Variants in VPS13B observed in about 807,000 individuals in gnomAD.
VPS13B encodes vacuolar protein sorting 13 homolog B, also known as intermembrane lipid transfer protein VPS13B.
In VPS13B, 285 loss-of-function variants were observed where a neutral mutation model predicts 426.4. That is an observed-to-expected ratio of 0.67 (90% CI 0.61 to 0.74). The LOEUF is 0.74. Ranked by LOEUF, VPS13B falls within the 30% of genes least tolerant of loss-of-function variation. The pLI is 0.00. For missense variants in VPS13B, 4,537 were observed against 4,782.6 expected (o/e 0.95, Z 1.51); for synonymous variants, 1,676 against 1,676.4 (o/e 1.00, Z 0.01).
At chr8:99,051,645 G>A (rs1441657295) in intron 3 of VPS13B, among the ~76,000 whole-genome samples, 4 of 152,108 alleles carry the variant, frequency 2.6e-5, no homozygotes, top group African/African-American at 4.8e-5. Flanking sequence ...CACGATATTG[G>A]TTCTTCCTAC....
chr8:99,815,306 C>T (rs1384617674), intron 44 of VPS13B, among the ~76,000 whole-genome samples: 1 of 151,972 alleles, frequency 6.6e-6, no homozygotes, highest in Non-Finnish European at 1.5e-5. Context: ...AGTGTAAGTT[C>T]CAGTCCAAAG....
At chr8:99,392,920 T>C (rs1461433521) in intron 21 of VPS13B, among the ~76,000 whole-genome samples, 1 of 152,082 alleles carries the variant, frequency 6.6e-6, no homozygotes, top group African/African-American at 2.4e-5. Context: ...TTGTGTTGAG[T>C]TTTGATTATA....
chr8:99,677,147 A>G (rs142644035), intron 35 of VPS13B, among the ~76,000 whole-genome samples: 187 of 152,328 alleles, frequency 1.2e-3, no homozygotes, highest in African/African-American at 4.2e-3. Flanking sequence ...GCTAATTTTA[A>G]TAATTTATTT....
rs1307323744 is a variant in VPS13B, at chr8:99,696,284, A to G, written c.6047-3241A>G. The G allele has an allele frequency of 2.4e-5, 5 of 209,496 alleles. No individual in the cohort carries two copies. The Admixed American group carries it at 2.7e-4, about 11-fold the overall frequency. The allele number at this position is 209,496 out of a possible 1,614,324, so 13.0% of individuals were successfully genotyped here. On this transcript the variant is annotated intron_variant, in intron 35 of 61. Transcript: ENST00000357162. ...GCTTGAGGAAGGCGGCCAAGTGTAC[A>G]CCCCCACCCCACAGAGGTGGTGGTG... is the stretch of plus-strand genomic sequence containing the variant.
chr8:99,500,732 G>A (rs1006690206), intron 25 of VPS13B, among the ~76,000 whole-genome samples: 3 of 152,112 alleles, frequency 2.0e-5, no homozygotes, highest in African/African-American at 7.2e-5. Flanking sequence ...TTGTTTGCAA[G>A]GTTTAAACGG....
chr8:99,469,551 C>A (rs999672839), intron 24 of VPS13B, among the ~76,000 whole-genome samples: 1 of 152,028 alleles, frequency 6.6e-6, no homozygotes, highest in African/African-American at 2.4e-5. Context: ...ATTTGCCTTT[C>A]TATTATACCC....
At chr8:99,387,174 A>G (rs187068211) in intron 20 of VPS13B, among the ~76,000 whole-genome samples, 1 of 152,208 alleles carries the variant, frequency 6.6e-6, no homozygotes, top group Admixed American at 6.5e-5. Context: ...TTGTTGTATC[A>G]CCAAATTGCT....
intron 8 of VPS13B, among the ~76,000 whole-genome samples, chr8:99,122,744 T>C (rs6997344): frequency 0.024 from 3,669 of 152,278 alleles, 140 homozygotes; most frequent in African/African-American, 0.082. Context: ...AAATTCCTGC[T>C]TTTTCAAGCT....
At chr8:99,035,653 T>A (rs550616685) in intron 2 of VPS13B, among the ~76,000 whole-genome samples, 12 of 152,334 alleles carry the variant, frequency 7.9e-5, no homozygotes, top group African/African-American at 2.9e-4. Context: ...AATATCTCCT[T>A]AAGATTTTCT....
At chr8:99,815,169 C>T (rs960147095) in intron 44 of VPS13B, among the ~76,000 whole-genome samples, 2 of 148,620 alleles carry the variant, frequency 1.3e-5, no homozygotes, top group East Asian at 2.0e-4. Flanking sequence ...TAAATTGACT[C>T]GTGATTATGA....
chr8:99,528,587 G>C (rs1262222428), intron 30 of VPS13B, among the ~76,000 whole-genome samples: 1 of 152,032 alleles, frequency 6.6e-6, no homozygotes, highest in Admixed American at 6.6e-5. Flanking sequence ...AAAATGCCTA[G>C]ATTGATGAAA....
intron 29 of VPS13B, among the ~76,000 whole-genome samples, chr8:99,519,713 A>C (rs1822269601): frequency 6.7e-6 from 1 of 149,874 alleles, no homozygotes; most frequent in Non-Finnish European, 1.5e-5. Context: ...AAAAAACCAA[A>C]CACCACATGT....
intron 40 of VPS13B, among the ~76,000 whole-genome samples, chr8:99,774,788 T>G (rs909507579): frequency 5.9e-5 from 9 of 152,240 alleles, no homozygotes; most frequent in African/African-American, 2.2e-4. Context: ...AATGAAATCT[T>G]TTGTTAACTC....
At position 99,778,718 on chromosome 8, in the gene VPS13B, G is replaced by T. The variant is rs1438199361; in HGVS notation, c.7466G>T (p.Arg2489Ile). Residue 2489 changes from arginine to isoleucine, a missense_variant, in exon 42 of 62, where the codon AGA becomes ATA. Arg to Ile is a moderately conservative substitution (Grantham distance 97). Transcript: ENST00000357162. ...PQYLQPFVSD[R>I]NMPSELEYMI... ...TACCTACAGCCATTTGTTTCCGACA[G>T]AAATATGCCATCTGAACTAGAATAC... 1.2e-6 allele frequency: 2 copies of T among 1,613,922 alleles called. No individual in the cohort carries two copies. The highest frequency in any genetic ancestry group is 8.5e-7 in the Non-Finnish European group (1 of 1,179,888).
intron 33 of VPS13B, among the ~76,000 whole-genome samples, chr8:99,609,642 A>G (rs1250808581): frequency 1.3e-5 from 2 of 152,220 alleles, no homozygotes; most frequent in African/African-American, 4.8e-5. Flanking sequence ...TGTGGTATGC[A>G]GCAAAAATGT....
Position 99,504,067 on chromosome 8 carries a change from A to G in VPS13B, c.4157+1117A>G, listed in dbSNP as rs1010017740. Reference sequence around the variant, plus strand: ...GGGCCTAGTGGGAGATATTTGGGTCATAGGGGAGGATCTCTCATGAATGGC... The same window carrying G: ...GGGCCTAGTGGGAGATATTTGGGTCGTAGGGGAGGATCTCTCATGAATGGC... On this transcript the variant is annotated intron_variant, in intron 27 of 61. Transcript: ENST00000357162. Among the ~76,000 whole-genome samples, 13 of 152,330 alleles carry G rather than the reference A, an allele frequency of 8.5e-5. No individual in the cohort carries two copies. The East Asian group carries it at 2.1e-3, about 25-fold the overall frequency.
intron 41 of VPS13B, 146 bp downstream of exon 41, chr8:99,777,102 C>T (rs1943814066): frequency 1.0e-6 from 1 of 994,296 alleles, no homozygotes; most frequent in Non-Finnish European, 1.6e-6. Flanking sequence ...CTGGGGTTGA[C>T]TTGGCAAAAC....
intron 56 of VPS13B, among the ~76,000 whole-genome samples, chr8:99,857,929 T>C (rs773424608): frequency 7.2e-5 from 11 of 152,198 alleles, no homozygotes; most frequent in Non-Finnish European, 1.6e-4. Flanking sequence ...ATCCTAACGT[T>C]CCAGAGAAGG....
intron 30 of VPS13B, among the ~76,000 whole-genome samples, chr8:99,523,537 G>C (rs1822490313): frequency 6.6e-6 from 1 of 152,202 alleles, no homozygotes; most frequent in Admixed American, 6.5e-5. Flanking sequence ...CACAGGCTGT[G>C]TTTGTTTGGG....
Sources: gnomAD v4.1 joint callset for allele counts (sites outside exome capture counted in the v4.1 genomes callset) on GRCh38, gnomAD v4.1.1 for gene constraint, MANE v1.5 for transcripts, NCBI Gene and HGNC (gene_info 2026-07-23, HGNC 2026-07-21) for gene names.